The following DCC variants were observed in gnomAD, a reference collection of about 807,000 sequenced individuals.
The protein encoded by DCC is DCC netrin 1 receptor.
A neutral mutation model predicts 172.5 loss-of-function variants in DCC; 58 were observed. The ratio of observed to expected loss-of-function variants is 0.34; its 90% CI spans 0.27 to 0.42. DCC has a LOEUF of 0.42. Ranked by LOEUF, DCC falls within the 10% of genes least tolerant of loss-of-function variation. The pLI, the probability that DCC is intolerant of heterozygous loss-of-function variation, is 1.00. For missense variants in DCC, 1,740 were observed against 1,791.0 expected (o/e 0.97, Z 0.51); for synonymous variants, 709 against 644.5 (o/e 1.10, Z -1.52).
At chr18:53,100,711 C>T (rs1428829882) in intron 7 of DCC, among the ~76,000 whole-genome samples, 3 of 151,894 alleles carry the variant, frequency 2.0e-5, no homozygotes, top group East Asian at 1.9e-4. Context: ...GCAGAGGTCT[C>T]GGGGATCGGA....
chr18:53,410,728 C>A, intron 20 of DCC, 82 bp downstream of exon 20: 1 of 861,572 alleles, frequency 1.2e-6, no homozygotes, highest in East Asian at 2.4e-5. Context: ...AGAAATGGCC[C>A]TGCACCATCT....
intron 8 of DCC, among the ~76,000 whole-genome samples, chr18:53,162,388 T>C (rs965949879): frequency 2.6e-5 from 4 of 152,100 alleles, no homozygotes; most frequent in Non-Finnish European, 4.4e-5. Flanking sequence ...CCAAGTCTCA[T>C]TGGAACTATT....
At chr18:53,063,284 T>A (rs748212718) in intron 5 of DCC, 21 bp from the exon 6 acceptor site, 20 of 1,608,782 alleles carry the variant, frequency 1.2e-5, no homozygotes, top group Non-Finnish European at 1.6e-5. Context: ...CTCACTCACT[T>A]TTTTTTTTCT....
At chr18:53,188,198 G>A (rs984245855) in intron 9 of DCC, among the ~76,000 whole-genome samples, 1 of 152,112 alleles carries the variant, frequency 6.6e-6, no homozygotes, top group Non-Finnish European at 1.5e-5. Context: ...CAATAAACCT[G>A]GGGACCAGAG....
At chr18:52,485,286 A>C (rs2144591773) in intron 1 of DCC, among the ~76,000 whole-genome samples, 1 of 152,226 alleles carries the variant, frequency 6.6e-6, no homozygotes, top group South Asian at 2.1e-4. Flanking sequence ...CAGCATAGAA[A>C]TTGTTCTTAA....
At chr18:52,944,535 T>A (rs1195516716) in intron 5 of DCC, among the ~76,000 whole-genome samples, 3 of 152,132 alleles carry the variant, frequency 2.0e-5, no homozygotes, top group Non-Finnish European at 4.4e-5. Context: ...AAAGCCCTGA[T>A]AAGTGACAGG....
intron 14 of DCC, among the ~76,000 whole-genome samples, chr18:53,328,114 T>C (rs1312087797): frequency 1.3e-5 from 2 of 152,204 alleles, no homozygotes; most frequent in Non-Finnish European, 2.9e-5. Context: ...GTTCAGAATC[T>C]CAAAGTTCCA....
intron 27 of DCC, among the ~76,000 whole-genome samples, chr18:53,509,239 C>T (rs1280631894): frequency 6.6e-6 from 1 of 152,188 alleles, no homozygotes; most frequent in East Asian, 1.9e-4. Context: ...TCTCATTGAG[C>T]ACATGTAAAA....
At chr18:52,495,516 T>G (rs1051464567) in intron 1 of DCC, among the ~76,000 whole-genome samples, 2 of 152,134 alleles carry the variant, frequency 1.3e-5, no homozygotes, top group Non-Finnish European at 2.9e-5. Flanking sequence ...TCTCACTGCT[T>G]CAGCAAAAAT....
intron 5 of DCC, among the ~76,000 whole-genome samples, chr18:52,953,647 G>A (rs879310637): frequency 5.9e-5 from 9 of 152,122 alleles, no homozygotes; most frequent in Admixed American, 3.3e-4. Flanking sequence ...CATTGACTAC[G>A]GCAGGCAGAA....
intron 2 of DCC, among the ~76,000 whole-genome samples, chr18:52,830,289 A>G (rs890436495): frequency 6.7e-6 from 1 of 149,228 alleles, no homozygotes; most frequent in Non-Finnish European, 1.5e-5. Flanking sequence ...GCTTTTTGCA[A>G]TTTAGTTTTT....
At chr18:52,514,566 A>G (rs2031559771) in intron 1 of DCC, among the ~76,000 whole-genome samples, 1 of 152,204 alleles carries the variant, frequency 6.6e-6, no homozygotes, top group African/African-American at 2.4e-5. Flanking sequence ...GATTGGTTTT[A>G]TTTGTATGCA....
Position 52,340,748 on chromosome 18 carries a change from G to C in DCC, c.-40G>C. 6.7e-7 allele frequency: 1 copy of C among 1,502,860 alleles called. No homozygotes were observed. Among genetic ancestry groups the C allele is most frequent in the Non-Finnish European group, 9.3e-7 (1 of 1,079,286 alleles). The allele number at this position is 1,502,860 out of a possible 1,614,324, so 93.1% of individuals were successfully genotyped here. On this transcript the variant is annotated 5_prime_UTR_variant, in exon 1 of 29. Transcript: ENST00000442544. ...TGAGTGCATGTGTGTGAGTGCTGCCGCTGCCCGCGACCCCTGGCCCCGAAG... is the reference window on the plus strand; with the variant it reads ...TGAGTGCATGTGTGTGAGTGCTGCCCCTGCCCGCGACCCCTGGCCCCGAAG...
At chr18:53,206,965 G>T (rs1240743766) in intron 10 of DCC, among the ~76,000 whole-genome samples, 1 of 152,088 alleles carries the variant, frequency 6.6e-6, no homozygotes, top group Non-Finnish European at 1.5e-5. Context: ...CTCCTCCTAT[G>T]TAATCATGGG....
chr18:52,813,489 A>G (rs139587944), intron 2 of DCC, among the ~76,000 whole-genome samples: 1 of 152,206 alleles, frequency 6.6e-6, no homozygotes, highest in Admixed American at 6.5e-5. Flanking sequence ...TGGATTCCAC[A>G]GTATCACATG....
At chr18:53,478,299 TG>T (rs1279094533) in intron 25 of DCC, among the ~76,000 whole-genome samples, 1 of 152,222 alleles carries the variant, frequency 6.6e-6, no homozygotes, top group Non-Finnish European at 1.5e-5. Context: ...TTAATTTGGA[TG>T]AGAGCATTCC....
At chr18:52,578,635 T>A (rs2033472038) in intron 1 of DCC, among the ~76,000 whole-genome samples, 1 of 152,198 alleles carries the variant, frequency 6.6e-6, no homozygotes, top group Non-Finnish European at 1.5e-5. Flanking sequence ...TTTTGAGAGG[T>A]CTAAGGCACT....
intron 2 of DCC, among the ~76,000 whole-genome samples, chr18:52,895,056 G>A (rs1234121093): frequency 6.6e-6 from 1 of 152,154 alleles, no homozygotes; most frequent in African/African-American, 2.4e-5. Flanking sequence ...GTGCAGGTAG[G>A]GGTGCATGGA....
At chr18:52,907,163 T>C (rs1023348317) in intron 3 of DCC, among the ~76,000 whole-genome samples, 5 of 150,156 alleles carry the variant, frequency 3.3e-5, no homozygotes, top group African/African-American at 1.2e-4. Flanking sequence ...ACATATATCA[T>C]ATATATCATA....
Sources: gnomAD v4.1 joint callset for allele counts (sites outside exome capture counted in the v4.1 genomes callset) on GRCh38, gnomAD v4.1.1 for gene constraint, MANE v1.5 for transcripts, NCBI Gene and HGNC (gene_info 2026-07-23, HGNC 2026-07-21) for gene names.